Variants in CELF2 observed in about 807,000 individuals in gnomAD.
CELF2 encodes the protein CUGBP Elav-like family member 2.
A neutral mutation model predicts 62.6 loss-of-function variants in CELF2; 8 were observed. That is an observed-to-expected ratio of 0.13 (90% CI 0.07 to 0.23). The LOEUF (loss-of-function observed/expected upper bound fraction) is 0.23. Among genes scored for constraint, CELF2 ranks in the 10% least tolerant of loss-of-function variants. CELF2 has a pLI of 1.00. For synonymous variants in CELF2, 258 were observed against 250.0 expected (o/e 1.03, Z -0.30); for missense variants, 333 against 671.0 (o/e 0.50, Z 5.56).
At position 11,285,867 on chromosome 10, in the gene CELF2, GTGTGTGTGTGTT is replaced by G. The variant is rs576449188; in HGVS notation, c.842-2549_842-2538del. Among the ~76,000 whole-genome samples the G allele has an allele frequency of 0.013, 1,752 of 130,960 alleles. 47 individuals carry two copies. The highest frequency in any genetic ancestry group is 0.053 in the African/African-American group (1,557 of 29,288). 85.9% of individuals were successfully genotyped at this position (130,960 alleles called of 152,430 possible). A position where few individuals can be genotyped will look rare whatever the true frequency, so the allele number is the denominator to read the frequency against. On this transcript the variant is annotated intron_variant, in intron 8 of 12. Coordinates refer to ENST00000633077, the MANE Select transcript of CELF2 (RefSeq NM_001326342.2). The surrounding 1 kb of genome is among the most constrained non-coding windows in gnomAD (Gnocchi z 4.3). ...TGTGTGTGTGTGTGTGTGTGTGTGT[GTGTGTGTGTGTT>G]TTTACATGGACTTGAAAATGAGTAA...
At chr10:11,017,838 G>A, upstream of CELF2, 5 of 553,526 alleles carry the variant, frequency 9.0e-6, no homozygotes, top group Non-Finnish European at 1.1e-5. The surrounding 1 kb of genome is among the most constrained non-coding windows in gnomAD (Gnocchi z 5.5). Context: ...CGGGCCCGCA[G>A]GGGTTAAGCG....
At chr10:10,841,279 T>C (rs2058664701) in intron 1 of CELF2, among the ~76,000 whole-genome samples, 1 of 152,060 alleles carries the variant, frequency 6.6e-6, no homozygotes, top group Admixed American at 6.6e-5. Context: ...AAAGCTGAGT[T>C]TTTAATTCTA....
rs1482558836 is a variant in CELF2, at chr10:11,178,423, C to T, written c.271+12741C>T. ...CCACTCCCTGCAAAGGAAGTGCTTC[C>T]GAGAGCCAAGGCTTTGCTCTAATCT... On this transcript the variant is annotated intron_variant, in intron 2 of 12. Transcript: ENST00000633077. The surrounding 1 kb of genome is among the most constrained non-coding windows in gnomAD (Gnocchi z 4.3). Among the ~76,000 whole-genome samples the T allele has an allele frequency of 2.0e-5, 3 of 152,308 alleles. No individual in the cohort carries two copies. Among genetic ancestry groups the T allele is most frequent in the East Asian group, 1.9e-4 (1 of 5,188 alleles).
the CELF2 span, among the ~76,000 whole-genome samples, chr10:10,546,203 C>A: frequency 6.6e-6 from 1 of 152,218 alleles, no homozygotes; most frequent in African/African-American, 2.4e-5. Context: ...TGAAACCCTG[C>A]CTGCCGATAA....
the CELF2 span, among the ~76,000 whole-genome samples, chr10:10,553,025 G>T: frequency 6.6e-6 from 1 of 152,158 alleles, no homozygotes; most frequent in Non-Finnish European, 1.5e-5. Flanking sequence ...TGCCTTGTAT[G>T]TCTGTTCTCA....
chr10:10,692,889 T>C, the CELF2 span, among the ~76,000 whole-genome samples: 2 of 126,450 alleles, frequency 1.6e-5, no homozygotes, highest in Admixed American at 8.1e-5. Flanking sequence ...AAGTTGCTTA[T>C]CAGCTTAAGG....
chr10:10,463,782 G>T, the CELF2 span, among the ~76,000 whole-genome samples: 2 of 152,072 alleles, frequency 1.3e-5, no homozygotes, highest in Non-Finnish European at 2.9e-5. Flanking sequence ...TCCTTTAAAA[G>T]CACGTGTGAA....
At chr10:10,874,757 A>G (rs1271443946) in intron 1 of CELF2, among the ~76,000 whole-genome samples, 1 of 152,208 alleles carries the variant, frequency 6.6e-6, no homozygotes, top group Non-Finnish European at 1.5e-5. Context: ...GGAAAGATGG[A>G]GTATGTAGAA....
rs1412412681 is a variant in CELF2 at position 11,034,638 on chromosome 10, T to TCA, written c.74+16476_74+16477dup. 6.6e-5 allele frequency among the ~76,000 whole-genome samples: 10 copies of TCA among 152,278 alleles called. No homozygotes were observed. The South Asian group carries it at 1.9e-3, about 28-fold the overall frequency. On this transcript the variant is annotated intron_variant, in intron 1 of 12. Coordinates refer to ENST00000633077, the MANE Select transcript of CELF2 (RefSeq NM_001326342.2). Reference sequence around the variant, plus strand: ...GCTTGTGATGGGGGAAAATCAGCATTCATCAAAACTGGCGATGTGGCAGTT... The same window carrying TCA: ...GCTTGTGATGGGGGAAAATCAGCATTCACATCAAAACTGGCGATGTGGCAGTT...
chr10:10,569,647 A>G, the CELF2 span, among the ~76,000 whole-genome samples: 1 of 152,200 alleles, frequency 6.6e-6, no homozygotes, highest in African/African-American at 2.4e-5. Context: ...TACATTTTAA[A>G]GAGAGAGGAA....
the CELF2 span, among the ~76,000 whole-genome samples, chr10:10,753,973 G>A: frequency 6.6e-6 from 1 of 151,102 alleles, no homozygotes; most frequent in African/African-American, 2.4e-5. Flanking sequence ...GATGCAATTA[G>A]GTTCCTGCTT....
the CELF2 span, among the ~76,000 whole-genome samples, chr10:10,480,174 T>A: frequency 6.6e-6 from 1 of 152,226 alleles, no homozygotes; most frequent in Non-Finnish European, 1.5e-5. Flanking sequence ...AGTTAAGTCA[T>A]ACATGTAACC....
the CELF2 span, among the ~76,000 whole-genome samples, chr10:10,672,428 T>G: frequency 6.6e-6 from 1 of 152,242 alleles, no homozygotes; most frequent in Admixed American, 6.5e-5. Context: ...CATTTTGCAT[T>G]TAAGTCTGTG....
At chr10:10,699,324 A>G in the CELF2 span, among the ~76,000 whole-genome samples, 18 of 152,330 alleles carry the variant, frequency 1.2e-4, no homozygotes, top group South Asian at 8.3e-4. Flanking sequence ...CAGGATTTCA[A>G]TATAATCTGT....
chr10:11,188,155 G>A (rs1246809232), intron 2 of CELF2, among the ~76,000 whole-genome samples: 1 of 152,142 alleles, frequency 6.6e-6, no homozygotes, highest in Non-Finnish European at 1.5e-5. Flanking sequence ...GCCCAGGTTG[G>A]AGTGCAGTGG....
the CELF2 span, among the ~76,000 whole-genome samples, chr10:10,530,548 A>G: frequency 6.6e-6 from 1 of 152,146 alleles, no homozygotes; most frequent in Non-Finnish European, 1.5e-5. Flanking sequence ...TGTAGGCCTC[A>G]CCCAAGATGG....
At chr10:10,530,153 G>T in the CELF2 span, among the ~76,000 whole-genome samples, 1 of 152,116 alleles carries the variant, frequency 6.6e-6, no homozygotes, top group Non-Finnish European at 1.5e-5. Context: ...GCAGAAGGAA[G>T]GTTATTAAGC....
At chr10:11,103,725 G>T (rs2052553460) in intron 1 of CELF2, among the ~76,000 whole-genome samples, 1 of 152,028 alleles carries the variant, frequency 6.6e-6, no homozygotes, top group African/African-American at 2.4e-5. Flanking sequence ...CTTCCCTCAA[G>T]ATTGAGTTCT....
intron 2 of CELF2, among the ~76,000 whole-genome samples, chr10:11,201,295 T>C (rs1246398701): frequency 2.6e-5 from 4 of 152,176 alleles, no homozygotes; most frequent in Non-Finnish European, 4.4e-5. Context: ...GACCCAAAAA[T>C]ATATTAGGAC....
Sources: allele counts gnomAD v4.1 joint callset (sites outside exome capture counted in the v4.1 genomes callset), GRCh38; gene constraint gnomAD v4.1.1; non-coding constraint Gnocchi (gnomAD v3.1); transcripts MANE v1.5; gene names NCBI Gene and HGNC (gene_info 2026-07-23, HGNC 2026-07-21).